Variants in PRPF31 observed in about 807,000 individuals in gnomAD.
The protein encoded by PRPF31 is U4/U6 small nuclear ribonucleoprotein Prp31.
A neutral mutation model predicts 60.4 loss-of-function variants in PRPF31; 12 were observed. The observed-to-expected ratio is 0.20, with a 90% confidence interval of 0.13 to 0.32. The LOEUF (loss-of-function observed/expected upper bound fraction) is 0.32. Among genes scored for constraint, PRPF31 ranks in the 10% least tolerant of loss-of-function variants. PRPF31 has a pLI of 1.00. For synonymous variants in PRPF31, 287 were observed against 287.9 expected (o/e 1.00, Z 0.03); for missense variants, 431 against 687.1 (o/e 0.63, Z 4.17).
intron 1 of PRPF31, 144 bp from the exon 2 acceptor site, chr19:54,118,127 C>G (rs1001655181): frequency 8.4e-7 from 1 of 1,192,234 alleles, no homozygotes; most frequent in Non-Finnish European, 1.2e-6. Flanking sequence ...ACAAAACAAA[C>G]TAAAGCACCT....
At chr19:54,117,481 G>A (rs1417767980) in intron 1 of PRPF31, among the ~76,000 whole-genome samples, 1 of 152,134 alleles carries the variant, frequency 6.6e-6, no homozygotes, top group African/African-American at 2.4e-5. Flanking sequence ...CAATGGCCAC[G>A]TTGTAGATTG....
In PRPF31 at chr19:54,124,505, C is replaced by G; in HGVS notation, c.704C>G (p.Ala235Gly). Residue 235 changes from alanine (A) to glycine (G), a missense_variant, in exon 8 of 14, where the codon GCC becomes GGC. Transcript: ENST00000321030. ...TCCCTCCCTCCCACCGCAGGTGTGGCCGGCGGCCTGACCAACCTCTCCAAG... is the reference window on the plus strand; with the variant it reads ...TCCCTCCCTCCCACCGCAGGTGTGGGCGGCGGCCTGACCAACCTCTCCAAG... ...ASTAAKIMGV[A>G]GGLTNLSKMP... 6.3e-7 allele frequency: 1 copy of G among 1,592,308 alleles called. No individual in the cohort carries two copies. The highest frequency in any genetic ancestry group is 1.7e-5 in the Admixed American group (1 of 59,620).
At chr19:54,129,231 T>TG (rs758700914) in intron 12 of PRPF31, 41 bp from the exon 13 acceptor site, 53 of 1,601,902 alleles carry the variant, frequency 3.3e-5, no homozygotes, top group Non-Finnish European at 4.3e-5. Context: ...GGACACAAGG[T>TG]GGGGGGAGCC....
intron 4 of PRPF31, 39 bp downstream of exon 4, chr19:54,121,982 C>T (rs138838064): frequency 8.3e-6 from 13 of 1,567,822 alleles, no homozygotes; most frequent in African/African-American, 2.7e-5. Context: ...CCCCGTGTGA[C>T]GTCCCTCACG....
intron 3 of PRPF31, 37 bp from the exon 4 acceptor site, chr19:54,121,823 T>G (rs1421729876): frequency 6.3e-7 from 1 of 1,576,684 alleles, no homozygotes; most frequent in Admixed American, 1.8e-5. Flanking sequence ...GGGGTAGGGA[T>G]TTAGATACTC....
In PRPF31 at chr19:54,118,480, G is replaced by A. The variant is rs1338312597; in HGVS notation, c.177+25G>A. On this transcript the variant is annotated intron_variant, in intron 2 of 13. Coordinates refer to ENST00000321030, the MANE Select transcript of PRPF31 (RefSeq NM_015629.4). ...GGTAAGAGGACAAGAGGTGTTCCTAGCAGGGGGCTCTAGACAGAATCTCCC... is the reference window on the plus strand; with the variant it reads ...GGTAAGAGGACAAGAGGTGTTCCTAACAGGGGGCTCTAGACAGAATCTCCC... The A allele has an allele frequency of 1.9e-6, 3 of 1,613,800 alleles. No individual in the cohort carries two copies. The African/African-American group carries it at 4.0e-5, about 22-fold the overall frequency.
chr19:54,122,131 G>A (rs1330782574), intron 4 of PRPF31, 188 bp downstream of exon 4: 29 of 712,164 alleles, frequency 4.1e-5, no homozygotes, highest in Non-Finnish European at 6.5e-5. Context: ...AGGAGCACTC[G>A]GGGATGGTGT....
At chr19:54,124,892 A>G (rs2073882437) in intron 8 of PRPF31, 1 of 594,474 alleles carries the variant, frequency 1.7e-6, no homozygotes, top group Non-Finnish European at 3.0e-6. Flanking sequence ...CTCCTCCCCT[A>G]TCAAATGGGA....
intron 13 of PRPF31, among the ~76,000 whole-genome samples, chr19:54,130,585 A>G (rs2074028005): frequency 6.6e-6 from 1 of 151,518 alleles, no homozygotes; most frequent in Admixed American, 6.6e-5. Flanking sequence ...AGATCGCGCC[A>G]CTGCACTTCA....
At chr19:54,119,013 T>C (rs368546712) in intron 3 of PRPF31, among the ~76,000 whole-genome samples, 6 of 152,276 alleles carry the variant, frequency 3.9e-5, no homozygotes, top group South Asian at 2.1e-4. Context: ...GGAAGCAAAT[T>C]GCTACCATGA....
At chr19:54,131,201 C>G (rs1424092993) in intron 13 of PRPF31, 106 bp from the exon 14 acceptor site, 2 of 1,489,044 alleles carry the variant, frequency 1.3e-6, no homozygotes, top group Admixed American at 3.3e-5. Flanking sequence ...GTCTCATGCC[C>G]ACCAAGGCCT....
Position 54,126,545 on chromosome 19 carries a change from G to A in PRPF31, c.873G>A (p.Ala291=), listed in dbSNP as rs139240954. Residue 291 remains alanine, a synonymous_variant, in exon 9 of 14, where the codon GCG becomes GCA. Transcript: ENST00000321030. Reference sequence around the variant, plus strand: ...TGCTCCAGGATCTGCGGCGGAAAGCGGCCCGGCTGGTGGCCGCCAAGTGCA... The same window carrying A: ...TGCTCCAGGATCTGCGGCGGAAAGCAGCCCGGCTGGTGGCCGCCAAGTGCA... ...QSLPPDLRRK[A]ARLVAAKCTL... The A allele has an allele frequency of 1.5e-5, 25 of 1,613,078 alleles. No homozygotes were observed. Among genetic ancestry groups the A allele is most frequent in the African/African-American group, 2.7e-5 (2 of 75,060 alleles).
At chr19:54,127,589 C>CA (rs2073950292) in intron 9 of PRPF31, among the ~76,000 whole-genome samples, 1 of 152,234 alleles carries the variant, frequency 6.6e-6, no homozygotes, top group South Asian at 2.1e-4. Flanking sequence ...TTGCCTTCCA[C>CA]ACCAGGATCT....
chr19:54,126,271 C>A (rs79063762), intron 8 of PRPF31, among the ~76,000 whole-genome samples: 2 of 152,326 alleles, frequency 1.3e-5, no homozygotes, highest in South Asian at 2.1e-4. Context: ...CAGTCACCAC[C>A]GTCCTCGTTG....
At chr19:54,126,660 T>C in intron 9 of PRPF31, 43 bp downstream of exon 9, 3 of 1,571,612 alleles carry the variant, frequency 1.9e-6, no homozygotes, top group Non-Finnish European at 1.7e-6. Flanking sequence ...TCTTTTCCTC[T>C]GGGCCTGGGG....
At chr19:54,122,356 A>G (rs587691434) in intron 4 of PRPF31, 141 bp from the exon 5 acceptor site, 4 of 781,600 alleles carry the variant, frequency 5.1e-6, no homozygotes, top group African/African-American at 3.4e-5. Context: ...CGGCTGAGAA[A>G]GGCTGTATGC....
chr19:54,122,178 A>G (rs1215236052), intron 4 of PRPF31: 3 of 635,662 alleles, frequency 4.7e-6, no homozygotes, highest in Non-Finnish European at 8.4e-6. Context: ...GGCTCTTTCC[A>G]TCCTGTTGGT....
At chr19:54,128,518 C>G (rs1368017226) in intron 11 of PRPF31, 141 bp downstream of exon 11, 7 of 906,486 alleles carry the variant, frequency 7.7e-6, no homozygotes, top group Non-Finnish European at 1.2e-5. Flanking sequence ...CCCCCGGCCT[C>G]TATTCTCGTT....
intron 3 of PRPF31, among the ~76,000 whole-genome samples, chr19:54,119,103 C>G (rs1283821181): frequency 1.3e-5 from 2 of 152,168 alleles, no homozygotes; most frequent in Non-Finnish European, 2.9e-5. Flanking sequence ...CCACCTAAGG[C>G]CGGGCGCCGT....
Sources: allele counts gnomAD v4.1 joint callset (sites outside exome capture counted in the v4.1 genomes callset), GRCh38; gene constraint gnomAD v4.1.1; transcripts MANE v1.5; gene names NCBI Gene and HGNC (gene_info 2026-07-23, HGNC 2026-07-21).